Variants in AUH observed in about 807,000 individuals in gnomAD.
AUH encodes the protein AU RNA binding methylglutaconyl-CoA hydratase, also known as methylglutaconyl-CoA hydratase, mitochondrial.
AUH carries 29 observed loss-of-function variants against 42.3 expected under a neutral mutation model. That is an observed-to-expected ratio of 0.69 (90% CI 0.51 to 0.93). The LOEUF (loss-of-function observed/expected upper bound fraction) is 0.93. AUH is among the 40% of genes least tolerant of loss of function. The pLI is 0.00. For missense variants in AUH, 452 were observed against 438.1 expected (o/e 1.03, Z -0.28); for synonymous variants, 174 against 166.4 (o/e 1.05, Z -0.35).
intron 6 of AUH, among the ~76,000 whole-genome samples, chr9:91,281,723 C>T (rs1310374175): frequency 2.0e-5 from 3 of 152,108 alleles, no homozygotes; most frequent in Non-Finnish European, 4.4e-5. Flanking sequence ...TTTTATGTTA[C>T]CCATCTAGTC....
intron 6 of AUH, among the ~76,000 whole-genome samples, chr9:91,287,527 A>G (rs909886377): frequency 6.6e-6 from 1 of 152,180 alleles, no homozygotes; most frequent in Non-Finnish European, 1.5e-5. Context: ...CAGTTCTATA[A>G]CATGTTAATA....
intron 7 of AUH, 81 bp downstream of exon 7, chr9:91,220,724 G>A: frequency 3.3e-6 from 5 of 1,508,154 alleles, no homozygotes; most frequent in Non-Finnish European, 4.6e-6. Flanking sequence ...TTCTTCCATA[G>A]GCAAGATGAC....
chr9:91,225,841 C>T (rs541583825), intron 6 of AUH, among the ~76,000 whole-genome samples: 53 of 151,878 alleles, frequency 3.5e-4, no homozygotes, highest in Non-Finnish European at 6.2e-4. Flanking sequence ...CTGAGAATGA[C>T]GATTTCCAAT....
At chr9:91,353,895 G>A (rs114214308) in intron 3 of AUH, among the ~76,000 whole-genome samples, 1 of 150,666 alleles carries the variant, frequency 6.6e-6, no homozygotes, top group Non-Finnish European at 1.5e-5. Context: ...TAAAAAAGAG[G>A]CCATGTGTGG....
chr9:91,327,972 G>A (rs905474745), intron 3 of AUH, among the ~76,000 whole-genome samples: 4 of 152,152 alleles, frequency 2.6e-5, no homozygotes, highest in East Asian at 1.9e-4. Context: ...CAGCAGGCAC[G>A]GGATTCAAGT....
At chr9:91,218,396 T>C (rs1275655812) in intron 7 of AUH, among the ~76,000 whole-genome samples, 6 of 152,234 alleles carry the variant, frequency 3.9e-5, no homozygotes, top group Non-Finnish European at 8.8e-5. Context: ...TATTAAATGG[T>C]GTGCTCCTCT....
At chr9:91,314,504 A>AC (rs1421597660) in intron 4 of AUH, among the ~76,000 whole-genome samples, 1 of 151,628 alleles carries the variant, frequency 6.6e-6, no homozygotes, top group East Asian at 1.9e-4. Flanking sequence ...AAAAAAAAAA[A>AC]AACACCTTAA....
chr9:91,294,172 G>A (rs1479899938), intron 6 of AUH, among the ~76,000 whole-genome samples: 1 of 152,220 alleles, frequency 6.6e-6, no homozygotes, highest in Non-Finnish European at 1.5e-5. Flanking sequence ...CAGACAAGGA[G>A]ATGAATGTTG....
chr9:91,333,865 G>A (rs1830506861), intron 3 of AUH, among the ~76,000 whole-genome samples: 1 of 152,048 alleles, frequency 6.6e-6, no homozygotes. Context: ...TATTTTAAAG[G>A]CCTCTTTTTT....
At position 91,361,703 on chromosome 9, in the gene AUH, G is replaced by C. The variant is rs1208037651; in HGVS notation, c.187C>G (p.Pro63Ala). The C allele has an allele frequency of 6.4e-7, 1 of 1,558,550 alleles. No homozygotes were observed. Among genetic ancestry groups the C allele is most frequent in the South Asian group, 1.2e-5 (1 of 84,556 alleles). ...ATCTCAGAGCTGTAGCCCCTTTTCGGGGCGGGACCCCCGGCCGCAGGTACC... is the reference window on the plus strand; with the variant it reads ...ATCTCAGAGCTGTAGCCCCTTTTCGCGGCGGGACCCCCGGCCGCAGGTACC... ...GWVPAAGGPA[P>A]KRGYSSEMKT... Residue 63 changes from proline to alanine, a missense_variant, in exon 1 of 10, where the codon CCG becomes GCG. Physicochemically the swap from Pro to Ala is conservative, Grantham distance 27. Transcript: ENST00000375731.
chr9:91,274,322 A>G (rs1410766460), intron 6 of AUH, among the ~76,000 whole-genome samples: 1 of 152,228 alleles, frequency 6.6e-6, no homozygotes, highest in Non-Finnish European at 1.5e-5. Flanking sequence ...CAATCAAATG[A>G]AACAGTTCCT....
At chr9:91,328,066 G>C (rs1308831986) in intron 3 of AUH, among the ~76,000 whole-genome samples, 1 of 152,198 alleles carries the variant, frequency 6.6e-6, no homozygotes, top group East Asian at 1.9e-4. Context: ...AGAGGTGGCA[G>C]GGGCAGCAAA....
intron 5 of AUH, among the ~76,000 whole-genome samples, chr9:91,297,145 G>A (rs1318821116): frequency 6.6e-6 from 1 of 152,202 alleles, no homozygotes; most frequent in Non-Finnish European, 1.5e-5. Context: ...GAGGTAACAG[G>A]TGTGTGGGCT....
intron 6 of AUH, among the ~76,000 whole-genome samples, chr9:91,286,638 A>C (rs1365918172): frequency 6.6e-6 from 1 of 151,978 alleles, no homozygotes; most frequent in African/African-American, 2.4e-5. Flanking sequence ...TGTTGGCAAA[A>C]TGTCTTACCC....
At chr9:91,244,193 T>G (rs534173510) in intron 6 of AUH, among the ~76,000 whole-genome samples, 7 of 152,266 alleles carry the variant, frequency 4.6e-5, no homozygotes, top group African/African-American at 1.7e-4. Flanking sequence ...ACCCACAACA[T>G]ATAAAATGAA....
intron 6 of AUH, among the ~76,000 whole-genome samples, chr9:91,281,914 T>C (rs1271941132): frequency 1.3e-5 from 2 of 152,164 alleles, no homozygotes; most frequent in Non-Finnish European, 2.9e-5. Flanking sequence ...TGTCTGCTCC[T>C]AACACAGTGA....
intron 4 of AUH, among the ~76,000 whole-genome samples, chr9:91,321,552 G>A (rs1261129676): frequency 1.3e-5 from 2 of 152,136 alleles, no homozygotes; most frequent in Non-Finnish European, 2.9e-5. Flanking sequence ...AGCCAAGCAT[G>A]CATCAAGTTG....
At chr9:91,333,735 G>A (rs569785537) in intron 3 of AUH, among the ~76,000 whole-genome samples, 4 of 152,260 alleles carry the variant, frequency 2.6e-5, no homozygotes, top group East Asian at 1.9e-4. Context: ...AAATCACATC[G>A]TAATCAAGAA....
intron 6 of AUH, among the ~76,000 whole-genome samples, chr9:91,236,215 T>C (rs908565302): frequency 6.6e-6 from 1 of 151,822 alleles, no homozygotes; most frequent in Non-Finnish European, 1.5e-5. Context: ...AGCATGATTA[T>C]TTTTTCCATC....
Sources: gnomAD v4.1 joint callset for allele counts (sites outside exome capture counted in the v4.1 genomes callset) on GRCh38, gnomAD v4.1.1 for gene constraint, MANE v1.5 for transcripts, NCBI Gene and HGNC (gene_info 2026-07-23, HGNC 2026-07-21) for gene names.